EYS: variants seen among roughly 807,000 people sequenced by gnomAD.
EYS encodes the protein EGF-like photoreceptor maintenance factor.
Under a neutral mutation model 282.1 loss-of-function variants are expected in EYS, and 250 were observed. That is an observed-to-expected ratio of 0.89 (90% CI 0.80 to 0.98). EYS has a LOEUF of 0.98. EYS is among the 50% of genes least tolerant of loss of function. The pLI is 0.00. For missense variants in EYS, 4,016 were observed against 3,709.0 expected, an observed-to-expected ratio of 1.08 and a Z score of -2.15; for synonymous variants, 1,355 against 1,282.9, an observed-to-expected ratio of 1.06 and a Z score of -1.20.
intron 31 of EYS, among the ~76,000 whole-genome samples, chr6:64,107,047 A>G (rs1773038345): frequency 1.3e-5 from 2 of 151,162 alleles, no homozygotes; most frequent in African/African-American, 4.8e-5. Flanking sequence ...CTCTCTGCTT[A>G]CATTATTACT....
chr6:65,249,988 AG>A (rs1767280409), intron 12 of EYS, among the ~76,000 whole-genome samples: 1 of 152,078 alleles, frequency 6.6e-6, no homozygotes, highest in Admixed American at 6.6e-5. Context: ...CGTGTAAGAG[AG>A]GTTCAAGCAT....
intron 14 of EYS, among the ~76,000 whole-genome samples, chr6:64,955,936 T>C (rs1192134980): frequency 6.6e-6 from 1 of 152,200 alleles, no homozygotes; most frequent in Non-Finnish European, 1.5e-5. Flanking sequence ...CTCTCTGGTG[T>C]CCACATGCCT....
At chr6:65,426,713 C>T (rs1313938239) in intron 5 of EYS, among the ~76,000 whole-genome samples, 2 of 152,016 alleles carry the variant, frequency 1.3e-5, no homozygotes, top group African/African-American at 2.4e-5. Flanking sequence ...TTACTATATA[C>T]CCTTCTACAC....
intron 9 of EYS, among the ~76,000 whole-genome samples, chr6:65,350,079 A>T (rs927173841): frequency 2.0e-5 from 3 of 151,482 alleles, no homozygotes; most frequent in Admixed American, 1.3e-4. Context: ...AAAATGCTTT[A>T]AAAACTTACT....
chr6:63,938,782 C>A (rs1349125989), intron 35 of EYS, among the ~76,000 whole-genome samples: 1 of 152,272 alleles, frequency 6.6e-6, no homozygotes, highest in Non-Finnish European at 1.5e-5. Context: ...CAAGTAGATG[C>A]AGTGAGGAAA....
At chr6:65,104,168 A>G (rs746406972) in intron 12 of EYS, among the ~76,000 whole-genome samples, 4 of 151,462 alleles carry the variant, frequency 2.6e-5, no homozygotes, top group African/African-American at 4.8e-5. Context: ...AAACATTGGA[A>G]GTGATTACAC....
chr6:64,647,303 A>G (rs1346982345), intron 22 of EYS, among the ~76,000 whole-genome samples: 1 of 152,112 alleles, frequency 6.6e-6, no homozygotes, highest in African/African-American at 2.4e-5. Flanking sequence ...AATTAATGCA[A>G]AAAAAGAACA....
At chr6:65,644,974 C>T (rs574060781) in intron 1 of EYS, among the ~76,000 whole-genome samples, 1 of 152,198 alleles carries the variant, frequency 6.6e-6, no homozygotes, top group East Asian at 1.9e-4. Context: ...TCTCACAGGA[C>T]TTATATAACA....
chr6:63,892,619 T>C (rs1171403173), intron 35 of EYS, among the ~76,000 whole-genome samples: 6 of 152,058 alleles, frequency 3.9e-5, no homozygotes, highest in Admixed American at 2.6e-4. Flanking sequence ...CCTAAAACCA[T>C]GAAAACCCTA....
chr6:64,349,599 T>A (rs907853252), intron 29 of EYS, among the ~76,000 whole-genome samples: 1 of 151,332 alleles, frequency 6.6e-6, no homozygotes, highest in South Asian at 2.1e-4. Context: ...AAAGTGCATA[T>A]TTTTATTTAA....
intron 19 of EYS, among the ~76,000 whole-genome samples, chr6:64,831,503 C>A (rs1765215930): frequency 1.3e-5 from 2 of 151,868 alleles, no homozygotes; most frequent in African/African-American, 4.8e-5. Context: ...TGGACAGATG[C>A]TTTTAAAATT....
In EYS at chr6:64,286,200, C is replaced by A. The variant is rs542023926; in HGVS notation, c.6191+20770G>T. 1.3e-4 allele frequency among the ~76,000 whole-genome samples: 20 copies of A among 152,258 alleles called. No homozygotes were observed. The South Asian group carries it at 4.1e-3, about 31-fold the overall frequency. On this transcript the variant is annotated intron_variant, in intron 30 of 42. Coordinates refer to ENST00000503581, the MANE Select transcript of EYS (RefSeq NM_001142800.2). ...CTCTACAACTACCCTAAATGAAGAC[C>A]TGGAGTAGTGAGGGATGACCAAGAA...
At chr6:65,479,682 A>C (rs2127253410) in intron 5 of EYS, among the ~76,000 whole-genome samples, 1 of 152,298 alleles carries the variant, frequency 6.6e-6, no homozygotes, top group South Asian at 2.1e-4. Flanking sequence ...TGGATTATAA[A>C]CCTAAACAGA....
chr6:64,536,171 TA>T (rs917575670), intron 26 of EYS, among the ~76,000 whole-genome samples: 15 of 152,042 alleles, frequency 9.9e-5, no homozygotes, highest in African/African-American at 2.4e-4. Flanking sequence ...ATCTTTTTGA[TA>T]AAAAAACTAT....
chr6:64,106,717 G>A (rs1397781923), intron 31 of EYS, among the ~76,000 whole-genome samples: 1 of 151,708 alleles, frequency 6.6e-6, no homozygotes, highest in East Asian at 1.9e-4. Flanking sequence ...TTTGATGTCC[G>A]ACATGAATTT....
At chr6:64,868,479 C>T (rs1766492053) in intron 19 of EYS, among the ~76,000 whole-genome samples, 1 of 151,452 alleles carries the variant, frequency 6.6e-6, no homozygotes, top group Non-Finnish European at 1.5e-5. Context: ...TATATAACTC[C>T]ATCATATTCA....
At chr6:65,228,721 G>A (rs1276769160) in intron 12 of EYS, among the ~76,000 whole-genome samples, 1 of 152,024 alleles carries the variant, frequency 6.6e-6, no homozygotes, top group Non-Finnish European at 1.5e-5. Flanking sequence ...GAAAAAAATA[G>A]TAATACAATT....
intron 7 of EYS, among the ~76,000 whole-genome samples, chr6:65,395,701 AT>A (rs1324428732): frequency 1.3e-5 from 2 of 151,894 alleles, no homozygotes; most frequent in East Asian, 3.9e-4. Flanking sequence ...GATACACGTG[AT>A]GTTTTGTTTC....
intron 13 of EYS, among the ~76,000 whole-genome samples, chr6:65,007,138 A>G (rs911521880): frequency 2.6e-5 from 4 of 152,084 alleles, no homozygotes; most frequent in Non-Finnish European, 5.9e-5. Flanking sequence ...GGACTGCTAC[A>G]TAGGTGAGTG....
Sources: gnomAD v4.1 joint callset for allele counts (sites outside exome capture counted in the v4.1 genomes callset) on GRCh38, gnomAD v4.1.1 for gene constraint, MANE v1.5 for transcripts, NCBI Gene and HGNC (gene_info 2026-07-23, HGNC 2026-07-21) for gene names.